Variants in ZCCHC17 observed in about 807,000 individuals in gnomAD.
ZCCHC17 encodes the protein zinc finger CCHC-type containing 17.
A neutral mutation model predicts 30.6 loss-of-function variants in ZCCHC17; 18 were observed. The ratio of observed to expected loss-of-function variants is 0.59; its 90% confidence interval spans 0.41 to 0.87. ZCCHC17 has a LOEUF of 0.87. ZCCHC17 is among the 40% of genes least tolerant of loss of function. The probability of loss-of-function intolerance (pLI) is 0.00; values close to 1 mark genes in which losing one functional copy is unlikely to be tolerated. For missense variants in ZCCHC17, 263 were observed against 284.2 expected, an observed-to-expected ratio of 0.93 and a Z score of 0.54; for synonymous variants, 88 against 92.4, an observed-to-expected ratio of 0.95 and a Z score of 0.27.
intron 5 of ZCCHC17, among the ~76,000 whole-genome samples, chr1:31,340,464 T>C (rs2148457545): frequency 6.6e-6 from 1 of 152,026 alleles, no homozygotes; most frequent in East Asian, 1.9e-4. Context: ...ATTACAGGCA[T>C]GTGCCACCAT....
chr1:31,313,964 A>G (rs1646667985), intron 2 of ZCCHC17, among the ~76,000 whole-genome samples: 1 of 151,924 alleles, frequency 6.6e-6, no homozygotes, highest in Non-Finnish European at 1.5e-5. Context: ...TCCGGGTTCA[A>G]GTGATTCTCC....
chr1:31,308,871 C>T (rs1646530338), intron 1 of ZCCHC17, among the ~76,000 whole-genome samples: 3 of 152,168 alleles, frequency 2.0e-5, no homozygotes, highest in African/African-American at 7.2e-5. Flanking sequence ...GAATTTGGTA[C>T]ATCCAACAAT....
intron 3 of ZCCHC17, among the ~76,000 whole-genome samples, chr1:31,326,269 A>T (rs564786462): frequency 9.4e-4 from 143 of 151,996 alleles, no homozygotes; most frequent in Non-Finnish European, 1.6e-3. Flanking sequence ...ACTTCTGGAA[A>T]TTTTTTTTAA....
intron 3 of ZCCHC17, among the ~76,000 whole-genome samples, chr1:31,334,585 A>G (rs929055532): frequency 1.3e-5 from 2 of 152,188 alleles, no homozygotes; most frequent in African/African-American, 2.4e-5. Flanking sequence ...TTGTAATACT[A>G]TAACCACTGT....
chr1:31,339,381 CT>C (rs1638946627), intron 5 of ZCCHC17, among the ~76,000 whole-genome samples: 1 of 152,090 alleles, frequency 6.6e-6, no homozygotes, highest in Admixed American at 6.6e-5. Context: ...GTGCGTGCCT[CT>C]AGTCCCAGCT....
At chr1:31,309,521 G>T (rs1290509209) in intron 1 of ZCCHC17, among the ~76,000 whole-genome samples, 1 of 151,982 alleles carries the variant, frequency 6.6e-6, no homozygotes, top group East Asian at 1.9e-4. Flanking sequence ...CGCTATGTTG[G>T]CCAGGCTGGT....
chr1:31,301,467 A>C (rs1400764788), intron 1 of ZCCHC17, among the ~76,000 whole-genome samples: 1 of 152,262 alleles, frequency 6.6e-6, no homozygotes, highest in Non-Finnish European at 1.5e-5. Context: ...AGAATTATTG[A>C]ATGTCATGAA....
Position 31,319,177 on chromosome 1 carries a change from A to T in ZCCHC17, c.124+11A>T. ...GCTGTCGGAAGCAAGGTAGGAGTTTATAACTTGAAATTCAGCCCTCTGATT... is the reference window on the plus strand; with the variant it reads ...GCTGTCGGAAGCAAGGTAGGAGTTTTTAACTTGAAATTCAGCCCTCTGATT... On this transcript the variant is annotated intron_variant, in intron 3 of 7. Coordinates refer to ENST00000344147, the MANE Select transcript of ZCCHC17 (RefSeq NM_016505.4). 1.2e-6 allele frequency: 2 copies of T among 1,605,848 alleles called. No individual in the cohort carries two copies. Among genetic ancestry groups the T allele is most frequent in the Non-Finnish European group, 1.7e-6 (2 of 1,173,718 alleles).
chr1:31,364,123 C>T lies in ZCCHC17; in HGVS notation c.656C>T (p.Thr219Ile). Residue 219 changes from threonine to isoleucine, a missense_variant, in exon 8 of 8, where the codon ACA (threonine) becomes ATA (isoleucine). Coordinates refer to ENST00000344147, the MANE Select transcript of ZCCHC17 (RefSeq NM_016505.4). Reference protein sequence around the residue: ...ESDTGKRARHTSKDSKAAKKK... With the variant: ...ESDTGKRARHISKDSKAAKKK... ...GATACAGGCAAGAGGGCAAGGCACA[C>T]ATCAAAAGACAGCAAGGCAGCAAAG... 6.2e-7 allele frequency: 1 copy of T among 1,613,734 alleles called. No individual in the cohort carries two copies. The highest frequency in any genetic ancestry group is 8.5e-7 in the Non-Finnish European group (1 of 1,179,884).
intron 5 of ZCCHC17, among the ~76,000 whole-genome samples, chr1:31,345,558 A>ATATTATATTATATATATATATAT (rs1553124801): frequency 3.6e-5 from 5 of 139,350 alleles, no homozygotes; most frequent in African/African-American, 1.4e-4. Flanking sequence ...ATATATATAT[A>ATATTATATTATATATATATATAT]TATAATATAA....
chr1:31,328,166 T>C (rs1450618927), intron 3 of ZCCHC17, among the ~76,000 whole-genome samples: 2 of 152,206 alleles, frequency 1.3e-5, no homozygotes, highest in African/African-American at 4.8e-5. Flanking sequence ...TAACTGTTCT[T>C]ACAGTATGTT....
At chr1:31,331,225 C>T (rs1471467951) in intron 3 of ZCCHC17, among the ~76,000 whole-genome samples, 4 of 152,114 alleles carry the variant, frequency 2.6e-5, no homozygotes, top group African/African-American at 9.7e-5. Flanking sequence ...TCACTGCAAC[C>T]TCCATCTCCG....
intron 3 of ZCCHC17, among the ~76,000 whole-genome samples, chr1:31,325,447 A>G (rs888454892): frequency 6.6e-6 from 1 of 152,250 alleles, no homozygotes; most frequent in East Asian, 1.9e-4. Context: ...TCTGGGCACC[A>G]CCATGTTCCC....
intron 3 of ZCCHC17, among the ~76,000 whole-genome samples, chr1:31,332,246 T>C (rs1049818503): frequency 6.6e-6 from 1 of 152,222 alleles, no homozygotes; most frequent in Non-Finnish European, 1.5e-5. Context: ...CCTGCACTTA[T>C]ATCTACAGTT....
At chr1:31,333,143 ACG>A (rs1384312931) in intron 3 of ZCCHC17, 3 of 152,204 alleles carry the variant, frequency 2.0e-5, no homozygotes, top group Non-Finnish European at 4.4e-5. Flanking sequence ...TTCACTGCTA[ACG>A]CTTCTAGACT....
chr1:31,304,618 C>T (rs1434026665), intron 1 of ZCCHC17, among the ~76,000 whole-genome samples: 3 of 146,302 alleles, frequency 2.1e-5, no homozygotes, highest in Non-Finnish European at 3.0e-5. Flanking sequence ...TTTTTTTAGA[C>T]GGACTCTCGC....
chr1:31,312,158 CTTCCTT>C (rs1173698750), intron 2 of ZCCHC17, among the ~76,000 whole-genome samples: 1 of 152,212 alleles, frequency 6.6e-6, no homozygotes. Context: ...CTAAGACACT[CTTCCTT>C]TTAACTACCC....
At chr1:31,356,651 C>T (rs1224582968) in intron 7 of ZCCHC17, among the ~76,000 whole-genome samples, 1 of 152,138 alleles carries the variant, frequency 6.6e-6, no homozygotes, top group Non-Finnish European at 1.5e-5. Context: ...TGGCAGTGGG[C>T]GATAATGAAA....
intron 5 of ZCCHC17, among the ~76,000 whole-genome samples, chr1:31,343,249 G>A (rs1022137717): frequency 2.0e-5 from 3 of 152,194 alleles, no homozygotes; most frequent in Admixed American, 1.3e-4. Context: ...TAGTAGAGAC[G>A]GGGTTTCACC....
Sources: allele counts gnomAD v4.1 joint callset (sites outside exome capture counted in the v4.1 genomes callset), GRCh38; gene constraint gnomAD v4.1.1; transcripts MANE v1.5; gene names NCBI Gene and HGNC (gene_info 2026-07-23, HGNC 2026-07-21).